The following ELP3 variants were observed in gnomAD, a reference collection of about 807,000 sequenced individuals.
The protein encoded by ELP3 is elongator acetyltransferase complex subunit 3.
In ELP3, 56 loss-of-function variants were observed where a neutral mutation model predicts 74.9. The observed-to-expected ratio is 0.75, with a 90% CI of 0.60 to 0.93. The LOEUF (loss-of-function observed/expected upper bound fraction) is 0.93, where lower values mean the gene tolerates loss of function less well. Among genes scored for constraint, ELP3 ranks in the 40% least tolerant of loss-of-function variants. The pLI is 0.00. For missense variants in ELP3, 573 were observed against 686.5 expected (o/e 0.83, Z 1.85); for synonymous variants, 222 against 239.8 (o/e 0.93, Z 0.68).
chr8:28,157,289 C>CAAAAAAAAAAA (rs35938340), intron 11 of ELP3, among the ~76,000 whole-genome samples: 2 of 106,762 alleles, frequency 1.9e-5, no homozygotes. Flanking sequence ...AAAAGCATGC[C>CAAAAAAAAAAA]AAAAAAAAAA....
At chr8:28,135,305 G>A (rs749941103) in intron 9 of ELP3, among the ~76,000 whole-genome samples, 2 of 152,202 alleles carry the variant, frequency 1.3e-5, no homozygotes, top group Non-Finnish European at 1.5e-5. Flanking sequence ...GCTTGCAGGC[G>A]TGCTTCACTG....
rs1049744767 is a variant in ELP3 at position 28,189,825 on chromosome 8, G to C, written c.*100G>C. ...ACAGAGAGGCTGAGCAGAGCAAATG[G>C]GGGGCTTCACCCTCATCCCGCAGCT... is the stretch of plus-strand genomic sequence containing the variant. On this transcript the variant is annotated 3_prime_UTR_variant, in exon 15 of 15. Coordinates refer to ENST00000256398, the MANE Select transcript of ELP3 (RefSeq NM_018091.6). The C allele has an allele frequency of 2.3e-6, 3 of 1,304,860 alleles. No homozygotes were observed. Among genetic ancestry groups the C allele is most frequent in the African/African-American group, 1.5e-5 (1 of 68,308 alleles). 80.8% of individuals were successfully genotyped at this position (1,304,860 alleles called of 1,614,324 possible).
chr8:28,153,048 C>T (rs1348619589), intron 10 of ELP3, among the ~76,000 whole-genome samples: 1 of 152,102 alleles, frequency 6.6e-6, no homozygotes, highest in African/African-American at 2.4e-5. Context: ...TACATCCTAC[C>T]TTTGAAACCA....
intron 10 of ELP3, among the ~76,000 whole-genome samples, chr8:28,145,806 T>G (rs184363373): frequency 1.7e-4 from 26 of 152,288 alleles, no homozygotes; most frequent in Admixed American, 1.7e-3. Flanking sequence ...ATACTTTTAG[T>G]AGAGACGGGG....
intron 5 of ELP3, 81 bp from the exon 6 acceptor site, chr8:28,110,289 G>GT (rs949002711): frequency 1.5e-4 from 184 of 1,259,094 alleles, no homozygotes; most frequent in South Asian, 8.2e-4. Flanking sequence ...ACCATGGAGA[G>GT]TTTTTTTTAA....
intron 7 of ELP3, among the ~76,000 whole-genome samples, chr8:28,128,046 G>A (rs1260216586): frequency 2.0e-5 from 3 of 152,124 alleles, no homozygotes; most frequent in African/African-American, 7.2e-5. Context: ...TTACTTTTCA[G>A]TAAAGAACAA....
intron 14 of ELP3, among the ~76,000 whole-genome samples, chr8:28,163,081 A>T (rs1401655448): frequency 6.6e-6 from 1 of 152,208 alleles, no homozygotes; most frequent in African/African-American, 2.4e-5. Flanking sequence ...CCCATTCCTT[A>T]TCTAGGACAG....
At chr8:28,097,155 A>G in intron 1 of ELP3, 64 bp from the exon 2 acceptor site, 1 of 1,161,716 alleles carries the variant, frequency 8.6e-7, no homozygotes. Flanking sequence ...CTGCTACTAA[A>G]TCAGATTTTA....
At chr8:28,185,905 G>A (rs763451334) in intron 14 of ELP3, among the ~76,000 whole-genome samples, 80 of 152,144 alleles carry the variant, frequency 5.3e-4, no homozygotes, top group Non-Finnish European at 1.8e-4. Context: ...GAATTACTCC[G>A]AATTCTGATT....
At chr8:28,150,216 A>G (rs2130519945) in intron 10 of ELP3, among the ~76,000 whole-genome samples, 1 of 152,342 alleles carries the variant, frequency 6.6e-6, no homozygotes, top group South Asian at 2.1e-4. Flanking sequence ...ACATAATTGA[A>G]TACATTGTTG....
At chr8:28,118,230 A>G (rs781776396) in intron 7 of ELP3, among the ~76,000 whole-genome samples, 19 of 152,182 alleles carry the variant, frequency 1.2e-4, no homozygotes, top group Non-Finnish European at 2.8e-4. Context: ...TTTAAGGTTA[A>G]TAGTCTGTTC....
Position 28,129,518 on chromosome 8 carries a change from C to T in ELP3, c.634C>T (p.Leu212Phe), listed in dbSNP as rs762712586. The T allele has an allele frequency of 7.4e-6, 12 of 1,614,006 alleles. No homozygotes were observed. Among genetic ancestry groups the T allele is most frequent in the South Asian group, 3.3e-5 (3 of 91,080 alleles). The change falls in exon 8 of 15, where the codon CTC (leucine) becomes TTC (phenylalanine). Residue 212 changes from leucine to phenylalanine, a missense_variant. By Grantham distance (22) the Leu-to-Phe change is conservative. Transcript: ENST00000256398. ...GCTCTACAGGTATTCTGAGAGAAGCCTCACAAAGTGTATTGGAATTACTAT... is the reference window on the plus strand; with the variant it reads ...GCTCTACAGGTATTCTGAGAGAAGCTTCACAAAGTGTATTGGAATTACTAT... ...YEAVKYSERS[L>F]TKCIGITIET...
At chr8:28,157,523 T>TG (rs1385224520) in intron 11 of ELP3, among the ~76,000 whole-genome samples, 1 of 152,190 alleles carries the variant, frequency 6.6e-6, no homozygotes, top group African/African-American at 2.4e-5. Context: ...TCCTGGGGTG[T>TG]GGAAGTAGCT....
Position 28,097,220 on chromosome 8 carries a change from A to G in ELP3, c.21A>G (p.Gly7=). The G allele has an allele frequency of 6.3e-7, 1 of 1,591,154 alleles. No homozygotes were observed. Among genetic ancestry groups the G allele is most frequent in the Middle Eastern group, 1.7e-4 (1 of 6,000 alleles). Residue 7 remains glycine, a splice_region_variant and synonymous_variant, in exon 2 of 15, where the codon GGA becomes GGG. Coordinates refer to ENST00000256398, the MANE Select transcript of ELP3 (RefSeq NM_018091.6). The part of the protein sequence containing the change: MRQKRK[G]DLSPAELMML... Reference sequence around the variant, plus strand: ...CATTGTTGAATATTAACTTTCCAGGAGATCTCAGCCCTGCTGAGCTGATGA... The same window carrying G: ...CATTGTTGAATATTAACTTTCCAGGGGATCTCAGCCCTGCTGAGCTGATGA...
At chr8:28,174,397 A>T (rs1471050431) in intron 14 of ELP3, among the ~76,000 whole-genome samples, 1 of 152,030 alleles carries the variant, frequency 6.6e-6, no homozygotes, top group Non-Finnish European at 1.5e-5. Context: ...TTTGTCTGAT[A>T]ATATAATCAC....
intron 14 of ELP3, among the ~76,000 whole-genome samples, chr8:28,168,289 G>C (rs1002238287): frequency 2.0e-5 from 3 of 152,332 alleles, no homozygotes; most frequent in Non-Finnish European, 4.4e-5. Flanking sequence ...CCAGAAGCTA[G>C]TGATACTGAT....
chr8:28,128,757 C>T (rs933222862), intron 7 of ELP3, among the ~76,000 whole-genome samples: 7 of 152,282 alleles, frequency 4.6e-5, no homozygotes, highest in African/African-American at 1.7e-4. Context: ...GAGCTTGGCC[C>T]ACAACAGCCT....
chr8:28,116,087 C>A (rs1359969372), intron 7 of ELP3, among the ~76,000 whole-genome samples: 1 of 152,130 alleles, frequency 6.6e-6, no homozygotes, highest in African/African-American at 2.4e-5. Context: ...GAACAGTTAG[C>A]TAATGACCTG....
At chr8:28,150,486 C>T (rs1010128480) in intron 10 of ELP3, among the ~76,000 whole-genome samples, 6 of 152,084 alleles carry the variant, frequency 3.9e-5, no homozygotes, top group African/African-American at 1.4e-4. Flanking sequence ...ATTCAGAATT[C>T]TAGGTTGGTG....
Sources: allele counts gnomAD v4.1 joint callset (sites outside exome capture counted in the v4.1 genomes callset), GRCh38; gene constraint gnomAD v4.1.1; transcripts MANE v1.5; gene names NCBI Gene and HGNC (gene_info 2026-07-23, HGNC 2026-07-21).